The following KCTD16 variants were observed in gnomAD, a reference collection of about 807,000 sequenced individuals.
KCTD16 encodes BTB/POZ domain-containing protein KCTD16.
A neutral mutation model predicts 33.2 loss-of-function variants in KCTD16; 13 were observed. The ratio of observed to expected loss-of-function variants is 0.39; its 90% CI spans 0.25 to 0.62. The LOEUF is 0.62. Among genes scored for constraint, KCTD16 ranks in the 20% least tolerant of loss-of-function variants. The probability of loss-of-function intolerance (pLI) is 0.50; values close to 1 mark genes in which losing one functional copy is unlikely to be tolerated. For missense variants in KCTD16, 441 were observed against 525.1 expected, an observed-to-expected ratio of 0.84 and a Z score of 1.57; for synonymous variants, 197 against 195.3, an observed-to-expected ratio of 1.01 and a Z score of -0.07.
chr5:144,268,781 A>G (rs1198212760), intron 3 of KCTD16, among the ~76,000 whole-genome samples: 1 of 152,208 alleles, frequency 6.6e-6, no homozygotes, highest in African/African-American at 2.4e-5. Flanking sequence ...CAGTTCTATT[A>G]GACAAGGACA....
At position 144,192,434 on chromosome 5, in the gene KCTD16, A is replaced by C. The variant is rs188268396; in HGVS notation, c.-326-13955A>C. Among the ~76,000 whole-genome samples the C allele has an allele frequency of 5.2e-3, 794 of 152,356 alleles. 7 individuals carry two copies. Among genetic ancestry groups the C allele is most frequent in the African/African-American group, 0.018 (764 of 41,582 alleles). ...GTTTGCTTAATCATTACATTTTGTC[A>C]TGAGGTTTCACTTAATTGCATTATA... On this transcript the variant is annotated intron_variant, in intron 2 of 3. Transcript: ENST00000512467.
chr5:144,328,340 TCTC>T (rs1298755923), intron 3 of KCTD16, among the ~76,000 whole-genome samples: 1 of 152,026 alleles, frequency 6.6e-6, no homozygotes, highest in African/African-American at 2.4e-5. Context: ...ATTACATAAA[TCTC>T]CTCATTAATC....
intron 2 of KCTD16, among the ~76,000 whole-genome samples, chr5:144,192,144 A>T (rs1247796657): frequency 6.6e-6 from 1 of 152,124 alleles, no homozygotes; most frequent in Non-Finnish European, 1.5e-5. Flanking sequence ...GACTCAGTTG[A>T]GGATGCTGGG....
chr5:144,293,412 C>A (rs995379731), intron 3 of KCTD16, among the ~76,000 whole-genome samples: 5 of 152,090 alleles, frequency 3.3e-5, no homozygotes, highest in Non-Finnish European at 7.4e-5. Flanking sequence ...TTCATTGTCT[C>A]TATAGTTCTT....
intron 3 of KCTD16, among the ~76,000 whole-genome samples, chr5:144,324,307 A>T (rs1269440686): frequency 1.3e-5 from 2 of 152,156 alleles, no homozygotes; most frequent in African/African-American, 4.8e-5. Context: ...AGCAGTAACC[A>T]GTCAAATGGA....
At chr5:144,265,014 A>G (rs1580830755) in intron 3 of KCTD16, among the ~76,000 whole-genome samples, 1 of 152,212 alleles carries the variant, frequency 6.6e-6, no homozygotes, top group East Asian at 1.9e-4. Context: ...CTTGCCAGAG[A>G]CATATACTTC....
rs532639327 is a variant in KCTD16, at chr5:144,467,985, G to A, written c.833-5675G>A. 5.3e-5 allele frequency among the ~76,000 whole-genome samples: 8 copies of A among 152,212 alleles called. No homozygotes were observed. In the South Asian group the frequency reaches 1.0e-3, roughly 20 times the overall value. ...GTGCTAGAGGGAGACACTAAAACAT[G>A]GGAAGAATTCCTTGCTTGCCCCTTG... On this transcript the variant is annotated intron_variant, in intron 3 of 3. Transcript: ENST00000512467.
Position 144,181,026 on chromosome 5 carries a change from G to A in KCTD16, c.-327+6554G>A, listed in dbSNP as rs1051896823. ...CGGCTCACTGCAAGCTCCGCCTCCC[G>A]GGTTCACGCCATTCTCCTGCCTCAG... On this transcript the variant is annotated intron_variant, in intron 2 of 3. Coordinates refer to ENST00000512467, the MANE Select transcript of KCTD16 (RefSeq NM_020768.4). 1.9e-4 allele frequency among the ~76,000 whole-genome samples: 29 copies of A among 151,398 alleles called. No homozygotes were observed. In the East Asian group the frequency reaches 4.3e-3, roughly 22 times the overall value.
chr5:144,371,784 C>T (rs1283782038), intron 3 of KCTD16, among the ~76,000 whole-genome samples: 1 of 151,930 alleles, frequency 6.6e-6, no homozygotes, highest in Non-Finnish European at 1.5e-5. Context: ...AAAAACACTT[C>T]TGTTCCTTTC....
chr5:144,429,509 G>A (rs1370538630), intron 3 of KCTD16, among the ~76,000 whole-genome samples: 3 of 151,972 alleles, frequency 2.0e-5, no homozygotes, highest in Non-Finnish European at 4.4e-5. Flanking sequence ...GGTATCTTGG[G>A]AAGAACTCTG....
intron 3 of KCTD16, among the ~76,000 whole-genome samples, chr5:144,401,275 T>C (rs969951005): frequency 5.3e-5 from 8 of 152,144 alleles, no homozygotes; most frequent in South Asian, 2.1e-4. Context: ...AACAAAGAAT[T>C]GACAGCGATG....
At chr5:144,456,204 A>AC (rs34549176) in intron 3 of KCTD16, among the ~76,000 whole-genome samples, 50,252 of 150,652 alleles carry the variant, frequency 0.33, 8,566 homozygotes, top group African/African-American at 0.37. Flanking sequence ...CCCCTCACAA[A>AC]CCCCCCCCAA....
At position 144,474,002 on chromosome 5, in the gene KCTD16, A is replaced by G. The variant is rs371767006; in HGVS notation, c.1175A>G (p.Glu392Gly). ...GCTGTTAAAGAAAAGCTCTCAATTGAGGAGGAGCTGGAGAAATGTATCCAG... is the reference window on the plus strand; with the variant it reads ...GCTGTTAAAGAAAAGCTCTCAATTGGGGAGGAGCTGGAGAAATGTATCCAG... ...KKAVKEKLSI[E>G]EELEKCIQDF... The change falls in exon 4 of 4, where the codon GAG becomes GGG. Residue 392 changes from glutamate (E) to glycine (G), a missense_variant. This residue lies in a region of KCTD16 where 355 missense variants were observed against 413.0 expected (regional missense o/e 0.86). Transcript: ENST00000512467. 6.2e-7 allele frequency: 1 copy of G among 1,613,998 alleles called. No homozygotes were observed. The highest frequency in any genetic ancestry group is 8.5e-7 in the Non-Finnish European group (1 of 1,179,998).
chr5:144,334,830 G>A (rs1752442651), intron 3 of KCTD16, among the ~76,000 whole-genome samples: 1 of 152,096 alleles, frequency 6.6e-6, no homozygotes, highest in African/African-American at 2.4e-5. Context: ...GGGTTGGAGT[G>A]TGATGGTGCA....
intron 3 of KCTD16, among the ~76,000 whole-genome samples, chr5:144,429,893 C>T (rs1053469480): frequency 8.0e-5 from 12 of 149,506 alleles, no homozygotes; most frequent in African/African-American, 3.0e-4. Context: ...AAGACCAAAG[C>T]AAAAGGTGAA....
At chr5:144,245,541 A>G (rs10039619) in intron 3 of KCTD16, among the ~76,000 whole-genome samples, 5,272 of 152,278 alleles carry the variant, frequency 0.035, 301 homozygotes, top group African/African-American at 0.12. Flanking sequence ...AGCAGAGGAC[A>G]AAGAGGAAGT....
At chr5:144,471,007 C>T (rs1302153781) in intron 3 of KCTD16, among the ~76,000 whole-genome samples, 1 of 152,118 alleles carries the variant, frequency 6.6e-6, no homozygotes, top group Non-Finnish European at 1.5e-5. Flanking sequence ...GTGAAACCGC[C>T]TCTCTACTGA....
intron 3 of KCTD16, among the ~76,000 whole-genome samples, chr5:144,410,608 C>T (rs1752912103): frequency 6.6e-6 from 1 of 152,142 alleles, no homozygotes; most frequent in South Asian, 2.1e-4. Context: ...TTATTCTGGG[C>T]TTGTTCATTA....
In KCTD16 at chr5:144,299,132, ATATATATATATATATATTTTTTTT is replaced by A. The variant is rs1248562466; in HGVS notation, c.832+91588_832+91611del. 2.1e-4 allele frequency among the ~76,000 whole-genome samples: 6 copies of A among 28,650 alleles called. No individual in the cohort carries two copies. The African/African-American group carries it at 2.3e-3, about 11-fold the overall frequency. 18.8% of individuals were successfully genotyped at this position (28,650 alleles called of 152,430 possible). On this transcript the variant is annotated intron_variant, in intron 3 of 3. Transcript: ENST00000512467. ...TATATATATATATATATATATATAT[ATATATATATATATATATTTTTTTT>A]TTTTTTTTTAACCTGTCACTGAGCT...
Sources: gnomAD v4.1 joint callset for allele counts (sites outside exome capture counted in the v4.1 genomes callset) on GRCh38, gnomAD v4.1.1 for gene constraint, gnomAD v4.1.1 regional missense constraint, MANE v1.5 for transcripts, NCBI Gene and HGNC (gene_info 2026-07-23, HGNC 2026-07-21) for gene names.